Variants in KCNH8 observed in about 807,000 individuals in gnomAD.
The protein encoded by KCNH8 is potassium voltage-gated channel subfamily H member 8.
A neutral mutation model predicts 103.6 loss-of-function variants in KCNH8; 70 were observed. That is an observed-to-expected ratio of 0.68 (90% CI 0.56 to 0.82). The LOEUF is 0.82. Among genes scored for constraint, KCNH8 ranks in the 40% least tolerant of loss-of-function variants. KCNH8 has a pLI of 0.00. For missense variants in KCNH8, 1,217 were observed against 1,329.9 expected (o/e 0.92, Z 1.32); for synonymous variants, 498 against 489.4 (o/e 1.02, Z -0.23).
chr3:19,237,009 G>A (rs1162729503), intron 1 of KCNH8, among the ~76,000 whole-genome samples: 1 of 152,178 alleles, frequency 6.6e-6, no homozygotes, highest in Admixed American at 6.5e-5. Context: ...GTATAAAATG[G>A]TATGAGATTG....
intron 13 of KCNH8, among the ~76,000 whole-genome samples, chr3:19,514,101 C>T (rs1197700627): frequency 3.9e-5 from 6 of 152,006 alleles, no homozygotes; most frequent in Non-Finnish European, 8.8e-5. Context: ...TGTGTTATCT[C>T]TATTATAAAG....
At chr3:19,474,221 T>C (rs1322462777) in intron 11 of KCNH8, among the ~76,000 whole-genome samples, 1 of 152,088 alleles carries the variant, frequency 6.6e-6, no homozygotes, top group African/African-American at 2.4e-5. Flanking sequence ...AATTGCAAAA[T>C]CCCAGGATAA....
At chr3:19,460,236 C>T (rs966779070) in intron 11 of KCNH8, among the ~76,000 whole-genome samples, 1 of 152,062 alleles carries the variant, frequency 6.6e-6, no homozygotes, top group Non-Finnish European at 1.5e-5. Flanking sequence ...AACAGCTTTT[C>T]TGGAGTCTCA....
chr3:19,324,806 A>G (rs1185688965), intron 3 of KCNH8, among the ~76,000 whole-genome samples: 1 of 151,184 alleles, frequency 6.6e-6, no homozygotes, highest in African/African-American at 2.4e-5. Context: ...ACTACAATTG[A>G]CATTCTTCAC....
chr3:19,160,157 T>G (rs1372732515), intron 1 of KCNH8, among the ~76,000 whole-genome samples: 2 of 152,124 alleles, frequency 1.3e-5, no homozygotes, highest in African/African-American at 4.8e-5. Flanking sequence ...TCAGAATGCA[T>G]AAATCTGCTG....
chr3:19,492,830 C>CGTGTGTGT (rs67383228), intron 11 of KCNH8, among the ~76,000 whole-genome samples: 5 of 123,402 alleles, frequency 4.1e-5, no homozygotes, highest in Non-Finnish European at 8.4e-5. Context: ...AATGTTTTTT[C>CGTGTGTGT]GTGTGTGTGT....
At chr3:19,323,653 G>A (rs73032103) in intron 3 of KCNH8, among the ~76,000 whole-genome samples, 7,399 of 152,100 alleles carry the variant, frequency 0.049, 231 homozygotes, top group Middle Eastern at 0.11. Context: ...GAAGATCTGG[G>A]ACTCTTGATT....
chr3:19,223,139 A>T (rs2063894002), intron 1 of KCNH8, among the ~76,000 whole-genome samples: 1 of 152,202 alleles, frequency 6.6e-6, no homozygotes, highest in Admixed American at 6.5e-5. Context: ...ATTCCACTGA[A>T]TTATTATTTA....
intron 11 of KCNH8, among the ~76,000 whole-genome samples, chr3:19,477,409 G>A (rs887382281): frequency 6.7e-6 from 1 of 150,036 alleles, no homozygotes; most frequent in African/African-American, 2.5e-5. Flanking sequence ...TGAATGTGAG[G>A]ATTTTTTTGG....
chr3:19,177,967 G>A (rs2063416718), intron 1 of KCNH8, among the ~76,000 whole-genome samples: 1 of 152,072 alleles, frequency 6.6e-6, no homozygotes, highest in Non-Finnish European at 1.5e-5. Context: ...AGAAGGTGAT[G>A]CTTTGCTTCA....
intron 3 of KCNH8, among the ~76,000 whole-genome samples, chr3:19,305,728 A>G (rs1373120797): frequency 2.0e-5 from 3 of 152,154 alleles, no homozygotes; most frequent in African/African-American, 4.8e-5. Context: ...ACTCCAAAGA[A>G]AACAAAAACT....
intron 3 of KCNH8, among the ~76,000 whole-genome samples, chr3:19,317,879 G>A (rs532401877): frequency 2.0e-4 from 31 of 151,922 alleles, no homozygotes; most frequent in Admixed American, 5.3e-4. Context: ...ATACTAAATG[G>A]GCAAAAGCTG....
intron 11 of KCNH8, among the ~76,000 whole-genome samples, chr3:19,479,560 T>C (rs1387891315): frequency 2.6e-5 from 4 of 152,134 alleles, no homozygotes; most frequent in African/African-American, 7.2e-5. Flanking sequence ...ATTCAAAGCC[T>C]ATCCTTTCTC....
chr3:19,484,520 TGTC>T (rs2068162975), intron 11 of KCNH8, among the ~76,000 whole-genome samples: 1 of 152,178 alleles, frequency 6.6e-6, no homozygotes, highest in African/African-American at 2.4e-5. Context: ...GAGCAGGGCT[TGTC>T]GTCCTCCTCA....
At chr3:19,181,627 A>G (rs2063454078) in intron 1 of KCNH8, among the ~76,000 whole-genome samples, 1 of 152,196 alleles carries the variant, frequency 6.6e-6, no homozygotes, top group Admixed American at 6.5e-5. Flanking sequence ...TAAATTGTAA[A>G]TTTCCAAAAT....
Position 19,302,921 on chromosome 3 carries a change from A to G in KCNH8, c.442+21592A>G, listed in dbSNP as rs2065081946. On this transcript the variant is annotated intron_variant, in intron 3 of 15. Transcript: ENST00000328405. Reference sequence around the variant, plus strand: ...ACTCTTAAAAATAATTATGACTGTCATTCAAGTCACAAGCCACTATTATCC... The same window carrying G: ...ACTCTTAAAAATAATTATGACTGTCGTTCAAGTCACAAGCCACTATTATCC... Among the ~76,000 whole-genome samples the G allele has an allele frequency of 2.6e-5, 4 of 152,168 alleles. 1 individual carries two copies. Among genetic ancestry groups the G allele is most frequent in the Admixed American group, 2.6e-4 (4 of 15,274 alleles).
At position 19,263,983 on chromosome 3, in the gene KCNH8, T is replaced by C. The variant is rs144481379; in HGVS notation, c.310+10096T>C. ...TATTCGAGAATGTTGGGTCAGATTA[T>C]TGTGACTACTCTCAGTTGCTTTCTC... is the stretch of plus-strand genomic sequence containing the variant. On this transcript the variant is annotated intron_variant, in intron 2 of 15. Transcript: ENST00000328405. 5.9e-5 allele frequency among the ~76,000 whole-genome samples: 9 copies of C among 152,168 alleles called. No homozygotes were observed. The East Asian group carries it at 1.7e-3, about 30-fold the overall frequency.
chr3:19,183,296 G>A (rs1314868593), intron 1 of KCNH8, among the ~76,000 whole-genome samples: 2 of 152,134 alleles, frequency 1.3e-5, no homozygotes, highest in African/African-American at 4.8e-5. Flanking sequence ...TATAAATACT[G>A]TTAGAACAAA....
chr3:19,418,534 C>T (rs1288800814), intron 7 of KCNH8, among the ~76,000 whole-genome samples: 1 of 152,038 alleles, frequency 6.6e-6, no homozygotes, highest in Non-Finnish European at 1.5e-5. Context: ...TTGAAAACAT[C>T]GTATAAAGCC....
Sources: gnomAD v4.1 joint callset for allele counts (sites outside exome capture counted in the v4.1 genomes callset) on GRCh38, gnomAD v4.1.1 for gene constraint, MANE v1.5 for transcripts, NCBI Gene and HGNC (gene_info 2026-07-23, HGNC 2026-07-21) for gene names.